Variants in IVD observed in about 807,000 individuals in gnomAD.
IVD encodes isovaleryl-CoA dehydrogenase.
IVD carries 31 observed loss-of-function variants against 51.3 expected under a neutral mutation model. The observed-to-expected ratio is 0.60, with a 90% confidence interval of 0.45 to 0.81. IVD has a LOEUF of 0.81. Ranked by LOEUF, IVD falls within the 40% of genes least tolerant of loss-of-function variation. The probability of loss-of-function intolerance (pLI) is 0.00; values close to 1 mark genes in which losing one functional copy is unlikely to be tolerated. For synonymous variants in IVD, 205 were observed against 219.4 expected, an observed-to-expected ratio of 0.93 and a Z score of 0.58; for missense variants, 475 against 552.0, an observed-to-expected ratio of 0.86 and a Z score of 1.40.
chr15:40,435,315 C>T (rs1054628147), intron 8 of IVD: 65 of 825,634 alleles, frequency 7.9e-5, no homozygotes, highest in Non-Finnish European at 8.7e-5. Flanking sequence ...ATGGGGGTCT[C>T]TCCATTTCTT....
chr15:40,419,093 G>C lies in IVD; in HGVS notation c.*830G>C, dbSNP rs968162419. On this transcript the variant is annotated 3_prime_UTR_variant, in exon 12 of 12. Transcript: ENST00000487418. Reference sequence around the variant, plus strand: ...GGACGTTGCAGTGAGCCGAGCTTGTGCCATTGCACTCCAGCCTGGGCGACA... The same window carrying C: ...GGACGTTGCAGTGAGCCGAGCTTGTCCCATTGCACTCCAGCCTGGGCGACA... 7.6e-5 allele frequency: 91 copies of C among 1,201,798 alleles called. No homozygotes were observed. Among genetic ancestry groups the C allele is most frequent in the Non-Finnish European group, 9.4e-5 (86 of 910,086 alleles). The allele number at this position is 1,201,798 out of a possible 1,614,324, so 74.4% of individuals were successfully genotyped here.
In IVD at chr15:40,420,328, T is replaced by C. The variant is rs1892182966; in HGVS notation, c.*2065T>C. On this transcript the variant is annotated 3_prime_UTR_variant, in exon 12 of 12. Transcript: ENST00000487418. ...AGGCCCTACCCGAGCAGGCCGGAGT[T>C]GGCTCGCATGACTCCAGCTGAGGCT... 1 of 987,702 alleles carries C rather than the reference T, an allele frequency of 1.0e-6. No homozygotes were observed. Among genetic ancestry groups the C allele is most frequent in the African/African-American group, 1.7e-5 (1 of 57,450 alleles). The allele number at this position is 987,702 out of a possible 1,614,324, so 61.2% of individuals were successfully genotyped here.
At chr15:40,406,870 T>C (rs1216285815) in intron 1 of IVD, among the ~76,000 whole-genome samples, 2 of 151,138 alleles carry the variant, frequency 1.3e-5, no homozygotes, top group African/African-American at 2.4e-5. Flanking sequence ...TTTTCTTTTT[T>C]TTTTTTTTTT....
chr15:40,422,208 G>A (rs901813148), downstream of IVD, among the ~76,000 whole-genome samples: 5 of 146,810 alleles, frequency 3.4e-5, no homozygotes, highest in Non-Finnish European at 6.0e-5. Context: ...ACTCAACGAC[G>A]TTTTGTTTTA....
intron 11 of IVD, among the ~76,000 whole-genome samples, chr15:40,416,671 T>G (rs1369132079): frequency 6.6e-6 from 1 of 152,090 alleles, no homozygotes; most frequent in Non-Finnish European, 1.5e-5. Flanking sequence ...CACTCCAGCC[T>G]AGGTGACAGA....
At chr15:40,412,842 C>T (rs1891223653) in intron 6 of IVD, 149 bp from the exon 7 acceptor site, 4 of 677,266 alleles carry the variant, frequency 5.9e-6, no homozygotes, top group African/African-American at 1.8e-5. Flanking sequence ...CGGAAGGTCC[C>T]GGGGGGAGCA....
In IVD at chr15:40,420,694, T is replaced by G. The variant is rs961805800; in HGVS notation, c.*2431T>G. On this transcript the variant is annotated 3_prime_UTR_variant, in exon 12 of 12. Transcript: ENST00000487418. ...TACAGCCAGAAGGAAGCTTATAGATTTCTGAAAACCGCCCCTTTGTTTTTA... is the reference window on the plus strand; with the variant it reads ...TACAGCCAGAAGGAAGCTTATAGATGTCTGAAAACCGCCCCTTTGTTTTTA... The G allele has an allele frequency of 1.0e-6, 1 of 986,788 alleles. No homozygotes were observed. Among genetic ancestry groups the G allele is most frequent in the African/African-American group, 1.7e-5 (1 of 57,306 alleles). 61.1% of individuals were successfully genotyped at this position (986,788 alleles called of 1,614,324 possible). A position where few individuals can be genotyped will look rare whatever the true frequency, so the allele number is the denominator to read the frequency against.
intron 7 of IVD, among the ~76,000 whole-genome samples, chr15:40,432,831 G>A (rs1893055169): frequency 6.6e-6 from 1 of 152,178 alleles, no homozygotes; most frequent in African/African-American, 2.4e-5. Flanking sequence ...AGCCAGAGTG[G>A]GGCCCACTGC....
At chr15:40,428,113 C>T (rs1001940909), downstream of IVD, among the ~76,000 whole-genome samples, 2 of 149,416 alleles carry the variant, frequency 1.3e-5, no homozygotes, top group African/African-American at 2.5e-5. Flanking sequence ...ACCTGGGAGA[C>T]GGAGGTTGCA....
intron 3 of IVD, 73 bp downstream of exon 3, chr15:40,408,063 A>G: frequency 1.4e-6 from 2 of 1,407,024 alleles, no homozygotes; most frequent in South Asian, 2.3e-5. Context: ...AAGAAGCAGG[A>G]AGGGAAGGGA....
downstream of IVD, among the ~76,000 whole-genome samples, chr15:40,422,361 G>T (rs547261459): frequency 2.2e-3 from 334 of 151,582 alleles, 4 homozygotes; most frequent in South Asian, 6.3e-4. Context: ...TTGGCTCACT[G>T]CAAGCTCCGC....
chr15:40,424,316 T>A (rs746494498), downstream of IVD: 25 of 603,460 alleles, frequency 4.1e-5, no homozygotes, highest in Non-Finnish European at 5.8e-5. Context: ...CGTGTTCTTG[T>A]TGCAAGGAGT....
At chr15:40,417,379 G>A (rs1367417652) in intron 11 of IVD, among the ~76,000 whole-genome samples, 1 of 151,334 alleles carries the variant, frequency 6.6e-6, no homozygotes, top group Admixed American at 6.6e-5. Flanking sequence ...GCAGTGGTGC[G>A]CGCCTGTAAT....
In IVD at chr15:40,420,865, T is replaced by A; in HGVS notation, c.*2602T>A. 1 of 985,498 alleles carries A rather than the reference T, an allele frequency of 1.0e-6. No individual in the cohort carries two copies. The highest frequency in any genetic ancestry group is 1.7e-5 in the African/African-American group (1 of 57,354). The allele number at this position is 985,498 out of a possible 1,614,324, so 61.0% of individuals were successfully genotyped here. On this transcript the variant is annotated 3_prime_UTR_variant, in exon 12 of 12. Coordinates refer to ENST00000487418, the MANE Select transcript of IVD (RefSeq NM_002225.5). ...GATAGAGTGTGATCTGAGAAGGGAA[T>A]GGGTCTGGGTTGTTCCACCCCTTCC... is the stretch of plus-strand genomic sequence containing the variant.
intron 6 of IVD, among the ~76,000 whole-genome samples, chr15:40,412,441 G>C (rs575411187): frequency 1.3e-5 from 2 of 152,344 alleles, no homozygotes; most frequent in African/African-American, 4.8e-5. Context: ...TCTAGGGTTG[G>C]AGCAGTAGGG....
At chr15:40,414,297 T>C in intron 7 of IVD, 1 of 160,942 alleles carries the variant, frequency 6.2e-6, no homozygotes, top group Non-Finnish European at 1.4e-5. Context: ...CCTTCTTTGT[T>C]GACAGGAAAA....
At position 40,420,453 on chromosome 15, in the gene IVD, CTG is replaced by C; in HGVS notation, c.*2191_*2192del. 1.0e-6 allele frequency: 1 copy of C among 987,674 alleles called. No homozygotes were observed. Among genetic ancestry groups the C allele is most frequent in the Non-Finnish European group, 1.2e-6 (1 of 830,134 alleles). 61.2% of individuals were successfully genotyped at this position (987,674 alleles called of 1,614,324 possible). A position where few individuals can be genotyped will look rare whatever the true frequency, so the allele number is the denominator to read the frequency against. On this transcript the variant is annotated 3_prime_UTR_variant, in exon 12 of 12. Coordinates refer to ENST00000487418, the MANE Select transcript of IVD (RefSeq NM_002225.5). ...TAAATATATTGTGAAACAAACCTATCTGGGGAGAAGCAATCTACTTGCCGCTG... is the reference window on the plus strand; with the variant it reads ...TAAATATATTGTGAAACAAACCTATCGGGAGAAGCAATCTACTTGCCGCTG...
At position 40,415,950 on chromosome 15, in the gene IVD, GT is replaced by G. The variant is rs904273567; in HGVS notation, c.961-127del. 4.9e-6 allele frequency: 4 copies of G among 823,644 alleles called. No homozygotes were observed. In the Admixed American group the frequency reaches 8.0e-5, roughly 17 times the overall value. 51.0% of individuals were successfully genotyped at this position (823,644 alleles called of 1,614,324 possible). On this transcript the variant is annotated intron_variant, in intron 9 of 11. Transcript: ENST00000487418. Reference sequence around the variant, plus strand: ...CCTGCCCCCATCTCCATCATCCTGAGTAAATCCCATCTCCTCTCCATGCCCC... The same window carrying G: ...CCTGCCCCCATCTCCATCATCCTGAGAAATCCCATCTCCTCTCCATGCCCC...
exon 8 of IVD, chr15:40,433,901 G>C (rs774812803): frequency 4.4e-6 from 2 of 456,632 alleles, no homozygotes; most frequent in Non-Finnish European, 8.8e-6. Flanking sequence ...TCTGCTCCTG[G>C]GGCAATAATG....
Sources: gnomAD v4.1 joint callset for allele counts (sites outside exome capture counted in the v4.1 genomes callset) on GRCh38, gnomAD v4.1.1 for gene constraint, MANE v1.5 for transcripts, NCBI Gene and HGNC (gene_info 2026-07-23, HGNC 2026-07-21) for gene names.